The following ME3 variants were observed in gnomAD, a reference collection of about 807,000 sequenced individuals.
The protein encoded by ME3 is malic enzyme 3.
A neutral mutation model predicts 68.9 loss-of-function variants in ME3; 48 were observed. That is an observed-to-expected ratio of 0.70 (90% confidence interval 0.55 to 0.89). ME3 has a LOEUF of 0.89. Ranked by LOEUF, ME3 falls within the 40% of genes least tolerant of loss-of-function variation. ME3 has a pLI of 0.00. For missense variants in ME3, 675 were observed against 797.4 expected, an observed-to-expected ratio of 0.85 and a Z score of 1.85; for synonymous variants, 320 against 318.8, an observed-to-expected ratio of 1.00 and a Z score of -0.04.
At chr11:86,491,163 CTTCT>C (rs759861143) in intron 6 of ME3, among the ~76,000 whole-genome samples, 3 of 152,278 alleles carry the variant, frequency 2.0e-5, no homozygotes, top group South Asian at 4.1e-4. Context: ...TCATTTGTTC[CTTCT>C]AATAGTCTGA....
chr11:86,565,502 A>G (rs544699751), intron 2 of ME3, among the ~76,000 whole-genome samples: 97 of 152,232 alleles, frequency 6.4e-4, no homozygotes, highest in Non-Finnish European at 1.0e-3. Context: ...ATATGAATGG[A>G]TGAACAAAAT....
intron 4 of ME3, among the ~76,000 whole-genome samples, chr11:86,544,808 T>G (rs957878637): frequency 2.6e-5 from 4 of 152,242 alleles, no homozygotes; most frequent in African/African-American, 9.6e-5. Flanking sequence ...ACTCATTTTA[T>G]GAGGCCAGCG....
At chr11:86,555,725 G>T (rs745644949) in intron 4 of ME3, among the ~76,000 whole-genome samples, 6 of 152,174 alleles carry the variant, frequency 3.9e-5, no homozygotes, top group Non-Finnish European at 8.8e-5. Flanking sequence ...ATTAAAAAAA[G>T]CTGTTTTGAA....
chr11:86,568,283 C>T (rs1957596235), intron 2 of ME3, among the ~76,000 whole-genome samples: 2 of 152,130 alleles, frequency 1.3e-5, no homozygotes, highest in Admixed American at 1.3e-4. Flanking sequence ...CAGGTGTAGT[C>T]CCCACCTGCT....
intron 7 of ME3, among the ~76,000 whole-genome samples, chr11:86,486,830 C>T (rs901189669): frequency 4.6e-5 from 7 of 152,190 alleles, no homozygotes; most frequent in Admixed American, 1.3e-4. Flanking sequence ...TGTGAAGCTT[C>T]CCCAGTGAAG....
At chr11:86,535,674 T>C (rs548820298) in intron 4 of ME3, among the ~76,000 whole-genome samples, 1 of 152,350 alleles carries the variant, frequency 6.6e-6, no homozygotes. Flanking sequence ...ATGCAAGTCT[T>C]CTTGCTGAAG....
intron 9 of ME3, 43 bp downstream of exon 9, chr11:86,450,258 T>C (rs772664306): frequency 2.5e-6 from 4 of 1,581,134 alleles, no homozygotes; most frequent in South Asian, 2.2e-5. Flanking sequence ...CCCATTCTTA[T>C]TCTCTTCCTG....
At chr11:86,507,419 G>T (rs561251381) in intron 5 of ME3, among the ~76,000 whole-genome samples, 62 of 152,178 alleles carry the variant, frequency 4.1e-4, no homozygotes, top group South Asian at 3.5e-3. Flanking sequence ...CCCAGGCAAG[G>T]CAGGGTGATG....
rs140478684 is a variant in ME3, at chr11:86,595,320, G to GAGAGAGAGAGAGAGAGAGAGAGAGAGAC, written c.184-35498_184-35497insGTCTCTCTCTCTCTCTCTCTCTCTCTCT. The stretch of plus-strand genomic sequence containing the variant: ...ATATATATATATAGAGAGAGAGAGA[G>GAGAGAGAGAGAGAGAGAGAGAGAGAGAC]AGAGAGAGAGAGCTTATTATGTATC... On this transcript the variant is annotated intron_variant, in intron 2 of 14. Transcript: ENST00000543262. Among the ~76,000 whole-genome samples, 9 of 138,666 alleles carry GAGAGAGAGAGAGAGAGAGAGAGAGAGAC rather than the reference G, an allele frequency of 6.5e-5. 1 individual carries two copies. The highest frequency in any genetic ancestry group is 2.5e-4 in the African/African-American group (9 of 36,544). The allele number at this position is 138,666 out of a possible 152,430, so 91.0% of individuals were successfully genotyped here.
intron 8 of ME3, among the ~76,000 whole-genome samples, chr11:86,456,049 G>A (rs1394254857): frequency 6.6e-6 from 1 of 151,848 alleles, no homozygotes; most frequent in East Asian, 1.9e-4. Context: ...CTTACTCTCC[G>A]CCCATAAAAC....
At chr11:86,664,774 G>C (rs116121395) in intron 2 of ME3, among the ~76,000 whole-genome samples, 1,879 of 152,220 alleles carry the variant, frequency 0.012, 45 homozygotes, top group African/African-American at 0.042. Context: ...TGTGTTTTCC[G>C]TGGGCTCAAG....
chr11:86,509,693 A>G (rs1184267831), intron 4 of ME3, among the ~76,000 whole-genome samples: 16 of 151,862 alleles, frequency 1.1e-4, no homozygotes, highest in African/African-American at 3.6e-4. Flanking sequence ...CGGAAAGGAT[A>G]AACTCCCCAA....
At chr11:86,651,964 C>T (rs1205450940) in intron 2 of ME3, among the ~76,000 whole-genome samples, 1 of 152,056 alleles carries the variant, frequency 6.6e-6, no homozygotes, top group Non-Finnish European at 1.5e-5. Flanking sequence ...CCTCAGTAGC[C>T]GATTCGATCA....
intron 6 of ME3, among the ~76,000 whole-genome samples, chr11:86,491,807 AAAAAG>A (rs1350735126): frequency 6.6e-6 from 1 of 152,366 alleles, no homozygotes; most frequent in African/African-American, 2.4e-5. Context: ...GGCAATAATT[AAAAAG>A]AAATGTTTAG....
chr11:86,462,499 G>A, intron 8 of ME3: 2 of 928,062 alleles, frequency 2.2e-6, no homozygotes, highest in Non-Finnish European at 2.6e-6. Flanking sequence ...AGGGTCAGCT[G>A]TACATGAATG....
At chr11:86,544,954 A>G (rs948406668) in intron 4 of ME3, among the ~76,000 whole-genome samples, 1 of 152,208 alleles carries the variant, frequency 6.6e-6, no homozygotes. Flanking sequence ...ATCCAGCAGC[A>G]CATCAAAAAG....
chr11:86,442,349 T>C (rs949184059), intron 14 of ME3, among the ~76,000 whole-genome samples: 2 of 152,124 alleles, frequency 1.3e-5, no homozygotes, highest in African/African-American at 4.8e-5. Flanking sequence ...TCTCTGCCAA[T>C]CTCCAGAATT....
intron 2 of ME3, among the ~76,000 whole-genome samples, chr11:86,629,416 GA>G (rs1943873727): frequency 6.6e-6 from 1 of 152,146 alleles, no homozygotes; most frequent in Admixed American, 6.5e-5. Flanking sequence ...TTTTGCTGAA[GA>G]AAGGAGGTTA....
intron 4 of ME3, among the ~76,000 whole-genome samples, chr11:86,552,519 C>T (rs1373944466): frequency 1.3e-5 from 2 of 152,170 alleles, no homozygotes; most frequent in African/African-American, 4.8e-5. Flanking sequence ...CCTGGTCCGC[C>T]TTCAGCAATA....
Sources: allele counts gnomAD v4.1 joint callset (sites outside exome capture counted in the v4.1 genomes callset), GRCh38; gene constraint gnomAD v4.1.1; transcripts MANE v1.5; gene names NCBI Gene and HGNC (gene_info 2026-07-23, HGNC 2026-07-21).